SEMA3A: variants seen among roughly 807,000 people sequenced by gnomAD.
SEMA3A encodes semaphorin-3A.
Under a neutral mutation model 97.9 loss-of-function variants are expected in SEMA3A, and 29 were observed. The observed-to-expected ratio is 0.30, with a 90% CI of 0.22 to 0.40. The LOEUF is 0.40. Among genes scored for constraint, SEMA3A ranks in the 10% least tolerant of loss-of-function variants. The pLI, the probability that SEMA3A is intolerant of heterozygous loss-of-function variation, is 1.00. For synonymous variants in SEMA3A, 321 were observed against 323.7 expected (o/e 0.99, Z 0.09); for missense variants, 763 against 951.3 (o/e 0.80, Z 2.60).
At chr7:84,298,063 A>C (rs2115811575) in intron 3 of SEMA3A, among the ~76,000 whole-genome samples, 1 of 152,296 alleles carries the variant, frequency 6.6e-6, no homozygotes, top group Non-Finnish European at 1.5e-5. Context: ...TTCCTGTGGT[A>C]AAGATGTCAA....
At chr7:84,329,108 G>GA (rs978909427) in intron 2 of SEMA3A, among the ~76,000 whole-genome samples, 5 of 150,736 alleles carry the variant, frequency 3.3e-5, no homozygotes, top group African/African-American at 9.7e-5. Context: ...GAACTTTTAA[G>GA]AAAAAAAAAC....
At chr7:84,462,446 G>T (rs552342294) in intron 1 of SEMA3A, among the ~76,000 whole-genome samples, 3 of 152,218 alleles carry the variant, frequency 2.0e-5, no homozygotes, top group African/African-American at 7.2e-5. Context: ...AGAATGTGAG[G>T]AACTAATTTT....
intron 1 of SEMA3A, among the ~76,000 whole-genome samples, chr7:84,155,729 T>TA (rs1209272175): frequency 6.6e-6 from 1 of 152,176 alleles, no homozygotes; most frequent in East Asian, 1.9e-4. Flanking sequence ...CATTTGCTGG[T>TA]AAGAGCTGCT....
intron 2 of SEMA3A, among the ~76,000 whole-genome samples, chr7:84,342,590 CGT>C (rs1562910976): frequency 6.6e-6 from 1 of 152,132 alleles, no homozygotes; most frequent in African/African-American, 2.4e-5. Flanking sequence ...CGTGTGCACA[CGT>C]GTGTTTGTGT....
Position 83,961,360 on chromosome 7 carries a change from G to T in SEMA3A, c.*11C>A. 6.2e-7 allele frequency: 1 copy of T among 1,607,458 alleles called. No homozygotes were observed. Among genetic ancestry groups the T allele is most frequent in the Non-Finnish European group, 8.5e-7 (1 of 1,173,924 alleles). On this transcript the variant is annotated 3_prime_UTR_variant, in exon 17 of 17. Coordinates refer to ENST00000265362, the MANE Select transcript of SEMA3A (RefSeq NM_006080.3). The stretch of plus-strand genomic sequence containing the variant: ...TTTCTACTTGTTTGAGGTTTCTAGA[G>T]GTAATGCAGCTCAGACACTCCTGGG...
chr7:84,392,404 C>G (rs967445289), intron 1 of SEMA3A, among the ~76,000 whole-genome samples: 2 of 152,032 alleles, frequency 1.3e-5, no homozygotes, highest in African/African-American at 2.4e-5. Context: ...AGGTATCTTC[C>G]TTGTTTTAGG....
chr7:84,108,039 CA>C (rs1427363099), intron 4 of SEMA3A, among the ~76,000 whole-genome samples: 4 of 151,952 alleles, frequency 2.6e-5, no homozygotes, highest in Non-Finnish European at 1.5e-5. Flanking sequence ...GTATTAAATA[CA>C]AAATATAAAA....
At chr7:84,457,173 G>C (rs1042940933) in intron 1 of SEMA3A, among the ~76,000 whole-genome samples, 2 of 151,666 alleles carry the variant, frequency 1.3e-5, no homozygotes, top group African/African-American at 4.8e-5. Flanking sequence ...GTGTTAGGAT[G>C]AGTGGATGAA....
At chr7:84,053,920 T>A in intron 5 of SEMA3A, among the ~76,000 whole-genome samples, 1 of 142,712 alleles carries the variant, frequency 7.0e-6, no homozygotes, top group Admixed American at 7.3e-5. Context: ...GGTGACAAAA[T>A]CTCTCAGCAT....
intron 2 of SEMA3A, among the ~76,000 whole-genome samples, chr7:84,338,108 G>A (rs1482274659): frequency 6.6e-6 from 1 of 151,320 alleles, no homozygotes; most frequent in Non-Finnish European, 1.5e-5. Flanking sequence ...ACCTGTATAA[G>A]TATGTGCATA....
intron 1 of SEMA3A, among the ~76,000 whole-genome samples, chr7:84,433,241 G>A (rs1437501930): frequency 1.9e-5 from 1 of 51,462 alleles, no homozygotes; most frequent in Non-Finnish European, 3.9e-5. Context: ...CCCACCCCCC[G>A]ACAGGCCCCA....
intron 6 of SEMA3A, among the ~76,000 whole-genome samples, chr7:84,018,082 C>T (rs540781370): frequency 6.6e-6 from 1 of 152,230 alleles, no homozygotes; most frequent in South Asian, 2.1e-4. Context: ...TTATCAACAA[C>T]TGTTTTAAAG....
At chr7:84,160,464 C>A (rs1056708368) in intron 1 of SEMA3A, among the ~76,000 whole-genome samples, 2 of 152,080 alleles carry the variant, frequency 1.3e-5, no homozygotes, top group Middle Eastern at 3.4e-3. Context: ...GCAGGAGAAC[C>A]ACTTGACCCA....
At chr7:84,415,335 G>T (rs1434426977) in intron 1 of SEMA3A, among the ~76,000 whole-genome samples, 1 of 151,948 alleles carries the variant, frequency 6.6e-6, no homozygotes, top group Non-Finnish European at 1.5e-5. Flanking sequence ...GTATACCAAA[G>T]GATATCTAGT....
intron 3 of SEMA3A, among the ~76,000 whole-genome samples, chr7:84,297,350 C>A (rs1356469774): frequency 6.6e-6 from 1 of 152,042 alleles, no homozygotes; most frequent in African/African-American, 2.4e-5. Context: ...AACTTCTCTG[C>A]CCTTCTGATT....
intron 3 of SEMA3A, chr7:84,306,529 C>T (rs1207289123): frequency 6.6e-6 from 1 of 152,102 alleles, no homozygotes; most frequent in African/African-American, 2.4e-5. Context: ...TTAATAGCAA[C>T]ATATGTAACC....
chr7:84,136,019 T>C (rs941874996), intron 1 of SEMA3A, among the ~76,000 whole-genome samples: 2 of 152,148 alleles, frequency 1.3e-5, no homozygotes, highest in Non-Finnish European at 2.9e-5. Flanking sequence ...GCTAATTAAT[T>C]ATTGGCTTCT....
At chr7:84,084,367 A>G (rs1794260974) in intron 4 of SEMA3A, among the ~76,000 whole-genome samples, 1 of 152,086 alleles carries the variant, frequency 6.6e-6, no homozygotes. Flanking sequence ...GTTTGAAAAT[A>G]ATTACGAAAT....
intron 12 of SEMA3A, among the ~76,000 whole-genome samples, chr7:83,991,544 T>A (rs1054436311): frequency 6.6e-6 from 1 of 151,896 alleles, no homozygotes; most frequent in Non-Finnish European, 1.5e-5. Flanking sequence ...TGTTGAATTT[T>A]GTCAAAGGCT....
Sources: gnomAD v4.1 joint callset for allele counts (sites outside exome capture counted in the v4.1 genomes callset) on GRCh38, gnomAD v4.1.1 for gene constraint, MANE v1.5 for transcripts, NCBI Gene and HGNC (gene_info 2026-07-23, HGNC 2026-07-21) for gene names.